DOCK1: variants seen among roughly 807,000 people sequenced by gnomAD.
DOCK1 encodes the protein dedicator of cytokinesis 1.
DOCK1 carries 138 observed loss-of-function variants against 262.7 expected under a neutral mutation model. That is an observed-to-expected ratio of 0.53 (90% confidence interval 0.46 to 0.61). DOCK1 has a LOEUF of 0.61. Among genes scored for constraint, DOCK1 ranks in the 20% least tolerant of loss-of-function variants. The pLI, the probability that DOCK1 is intolerant of heterozygous loss-of-function variation, is 0.00. For synonymous variants in DOCK1, 866 were observed against 867.4 expected (o/e 1.00, Z 0.03); for missense variants, 1,908 against 2,370.7 (o/e 0.80, Z 4.05).
At chr10:127,268,913 G>A (rs975964496) in intron 29 of DOCK1, among the ~76,000 whole-genome samples, 7 of 152,114 alleles carry the variant, frequency 4.6e-5, no homozygotes, top group Non-Finnish European at 8.8e-5. Context: ...TGTTCTCAGG[G>A]TGCTTGGGCT....
chr10:127,050,515 A>G (rs1387059577), intron 21 of DOCK1, among the ~76,000 whole-genome samples: 1 of 151,226 alleles, frequency 6.6e-6, no homozygotes, highest in Non-Finnish European at 1.5e-5. Context: ...GTTCGAGACC[A>G]GCCTGGCCAA....
intron 29 of DOCK1, among the ~76,000 whole-genome samples, chr10:127,311,616 A>T (rs2062065182): frequency 6.6e-6 from 1 of 152,202 alleles, no homozygotes; most frequent in African/African-American, 2.4e-5. Flanking sequence ...GGTTTTAAGC[A>T]TTTCAGATCA....
At chr10:127,106,172 T>C in intron 23 of DOCK1, 59 bp from the exon 24 acceptor site, 1 of 1,511,850 alleles carries the variant, frequency 6.6e-7, no homozygotes, top group South Asian at 1.2e-5. Flanking sequence ...GGATTACAAA[T>C]TGGTATGAAC....
intron 25 of DOCK1, among the ~76,000 whole-genome samples, chr10:127,124,500 C>T (rs536145464): frequency 1.3e-5 from 2 of 152,312 alleles, no homozygotes; most frequent in East Asian, 3.9e-4. Context: ...TGCATTTCAC[C>T]TTTCATTGTA....
At chr10:127,051,710 G>A (rs951732255) in intron 21 of DOCK1, among the ~76,000 whole-genome samples, 1 of 152,048 alleles carries the variant, frequency 6.6e-6, no homozygotes, top group African/African-American at 2.4e-5. Flanking sequence ...AGCCTCTTGA[G>A]TAGCTAGGAC....
intron 27 of DOCK1, among the ~76,000 whole-genome samples, chr10:127,234,143 C>G (rs1458442987): frequency 2.0e-5 from 3 of 152,174 alleles, no homozygotes; most frequent in East Asian, 3.8e-4. Context: ...CAGGCGCTTG[C>G]TGTCATTATT....
chr10:127,343,605 G>A (rs1274129295), intron 30 of DOCK1, 41 bp from the exon 31 acceptor site: 1 of 1,461,392 alleles, frequency 6.8e-7, no homozygotes, highest in Admixed American at 1.9e-5. Context: ...CCTATATCAA[G>A]CTGTTCAACA....
At chr10:127,278,868 C>T (rs184805072) in intron 29 of DOCK1, among the ~76,000 whole-genome samples, 3 of 152,288 alleles carry the variant, frequency 2.0e-5, no homozygotes, top group African/African-American at 7.2e-5. Flanking sequence ...CTGTTACTTA[C>T]AAGGTGATAG....
intron 30 of DOCK1, among the ~76,000 whole-genome samples, chr10:127,342,161 C>T (rs553321187): frequency 1.3e-5 from 2 of 152,192 alleles, no homozygotes; most frequent in South Asian, 4.2e-4. Context: ...ATTGTGAGTC[C>T]TCGCAGGCAT....
chr10:127,184,149 G>T (rs1229356765), intron 27 of DOCK1, among the ~76,000 whole-genome samples: 1 of 152,100 alleles, frequency 6.6e-6, no homozygotes, highest in African/African-American at 2.4e-5. Flanking sequence ...CAGCTACTGT[G>T]CTTACCCCAG....
At chr10:127,361,281 T>A (rs1330947432) in intron 32 of DOCK1, among the ~76,000 whole-genome samples, 10 of 149,508 alleles carry the variant, frequency 6.7e-5, no homozygotes, top group Non-Finnish European at 8.8e-5. Flanking sequence ...GCCCAGCTGA[T>A]TTTTTTGTAT....
intron 49 of DOCK1, among the ~76,000 whole-genome samples, chr10:127,442,732 G>A (rs533605549): frequency 1.5e-3 from 223 of 152,310 alleles, no homozygotes; most frequent in African/African-American, 5.1e-3. Flanking sequence ...TCAGGTACAC[G>A]CCAAGGAGAC....
intron 27 of DOCK1, among the ~76,000 whole-genome samples, chr10:127,222,722 G>C (rs1413978296): frequency 6.6e-6 from 1 of 152,050 alleles, no homozygotes; most frequent in Non-Finnish European, 1.5e-5. Context: ...CTGGAGTGCA[G>C]TGGTATGATC....
At chr10:127,200,876 G>A (rs918887287) in intron 27 of DOCK1, among the ~76,000 whole-genome samples, 2 of 152,176 alleles carry the variant, frequency 1.3e-5, no homozygotes, top group African/African-American at 4.8e-5. Flanking sequence ...GTAAGTCTCA[G>A]CCTCATTTCT....
intron 49 of DOCK1, among the ~76,000 whole-genome samples, chr10:127,441,256 C>G (rs1328140957): frequency 1.3e-5 from 2 of 152,226 alleles, no homozygotes; most frequent in African/African-American, 4.8e-5. Context: ...GTGGCCCAAG[C>G]ATCCTTCTAG....
In DOCK1 at chr10:126,995,082, G is replaced by T. The variant is rs1272137131; in HGVS notation, c.474-1666G>T. Among the ~76,000 whole-genome samples the T allele has an allele frequency of 2.0e-5, 3 of 151,810 alleles. No homozygotes were observed. The highest frequency in any genetic ancestry group is 7.3e-5 in the African/African-American group (3 of 41,330). On this transcript the variant is annotated intron_variant, in intron 6 of 51. Coordinates refer to ENST00000623213, the MANE Select transcript of DOCK1 (RefSeq NM_001290223.2). The surrounding 1 kb of genome is among the most constrained non-coding windows in gnomAD (Gnocchi z 5.8). Reference sequence around the variant, plus strand: ...CAGAGGCGCTCTTCACATCTCAGACGGGGCGGCAGGGCAGAGGCGCTCCCC... The same window carrying T: ...CAGAGGCGCTCTTCACATCTCAGACTGGGCGGCAGGGCAGAGGCGCTCCCC...
In DOCK1 at chr10:127,100,203, C is replaced by T. The variant is rs564563667; in HGVS notation, c.2446-6028C>T. On this transcript the variant is annotated intron_variant, in intron 23 of 51. Coordinates refer to ENST00000623213, the MANE Select transcript of DOCK1 (RefSeq NM_001290223.2). This position sits in a 1 kb window ranked among gnomAD's most constrained non-coding sequence, Gnocchi z 5.5. ...GTGAGGAGTGTCCTTGAGGGGTCAGCGTGGAGGCAGGGAGGGCGGGTAGGA... is the reference window on the plus strand; with the variant it reads ...GTGAGGAGTGTCCTTGAGGGGTCAGTGTGGAGGCAGGGAGGGCGGGTAGGA... 3.9e-5 allele frequency among the ~76,000 whole-genome samples: 6 copies of T among 152,204 alleles called. No homozygotes were observed. Among genetic ancestry groups the T allele is most frequent in the South Asian group, 2.1e-4 (1 of 4,816 alleles).
intron 23 of DOCK1, among the ~76,000 whole-genome samples, chr10:127,070,676 G>A (rs2046176889): frequency 6.6e-6 from 1 of 151,294 alleles, no homozygotes; most frequent in Non-Finnish European, 1.5e-5. Flanking sequence ...CCTTAGCCAG[G>A]CACCCACAGT....
intron 29 of DOCK1, among the ~76,000 whole-genome samples, chr10:127,291,778 A>G (rs1017137247): frequency 9.2e-5 from 14 of 152,302 alleles, no homozygotes; most frequent in Middle Eastern, 3.4e-3. Context: ...TAGCCTACGT[A>G]GAGAGAATAG....
Sources: allele counts gnomAD v4.1 joint callset (sites outside exome capture counted in the v4.1 genomes callset), GRCh38; gene constraint gnomAD v4.1.1; non-coding constraint Gnocchi (gnomAD v3.1); transcripts MANE v1.5; gene names NCBI Gene and HGNC (gene_info 2026-07-23, HGNC 2026-07-21).